Variants in NAV2 observed in about 807,000 individuals in gnomAD.
The protein encoded by NAV2 is neuron navigator 2, also known as helicase, APC down-regulated 1.
In NAV2, 54 loss-of-function variants were observed where a neutral mutation model predicts 223.2. The observed-to-expected ratio is 0.24, with a 90% CI of 0.19 to 0.30. NAV2 has a LOEUF of 0.30. NAV2 is among the 10% of genes least tolerant of loss of function. The pLI, the probability that NAV2 is intolerant of heterozygous loss-of-function variation, is 1.00. For synonymous variants in NAV2, 1,279 were observed against 1,239.3 expected (o/e 1.03, Z -0.67); for missense variants, 2,806 against 3,147.5 (o/e 0.89, Z 2.60).
intron 10 of NAV2, among the ~76,000 whole-genome samples, chr11:19,969,303 CTT>C (rs1457152760): frequency 6.6e-6 from 1 of 152,302 alleles, no homozygotes; most frequent in African/African-American, 2.4e-5. Flanking sequence ...ACAGTGGACT[CTT>C]TGCTGGAGCC....
At chr11:19,665,073 G>T (rs943917105) in intron 1 of NAV2, among the ~76,000 whole-genome samples, 1 of 152,214 alleles carries the variant, frequency 6.6e-6, no homozygotes, top group South Asian at 2.1e-4. Flanking sequence ...TTCCTGTGGG[G>T]GTTGGAGAGG....
At chr11:19,819,487 C>A (rs2059267548) in intron 1 of NAV2, among the ~76,000 whole-genome samples, 1 of 152,088 alleles carries the variant, frequency 6.6e-6, no homozygotes, top group African/African-American at 2.4e-5. Context: ...GCCTGGCAGG[C>A]AGGGTTGGCT....
chr11:19,995,049 G>A (rs1720579630), intron 11 of NAV2, among the ~76,000 whole-genome samples: 1 of 152,196 alleles, frequency 6.6e-6, no homozygotes, highest in African/African-American at 2.4e-5. Flanking sequence ...TGCAATCCAG[G>A]CGATAAGGAA....
chr11:19,696,184 A>G (rs1355253675), intron 1 of NAV2, among the ~76,000 whole-genome samples: 5 of 152,254 alleles, frequency 3.3e-5, no homozygotes, highest in Non-Finnish European at 5.9e-5. Flanking sequence ...AATAAAAAAA[A>G]TAAACTGGCT....
At chr11:19,791,564 G>T (rs561462069) in intron 1 of NAV2, among the ~76,000 whole-genome samples, 1 of 152,312 alleles carries the variant, frequency 6.6e-6, no homozygotes, top group South Asian at 2.1e-4. Flanking sequence ...TGGTAGCAGA[G>T]TTGGGGTGCT....
chr11:19,367,565 G>A (rs931401812), intron 1 of NAV2, among the ~76,000 whole-genome samples: 5 of 152,118 alleles, frequency 3.3e-5, no homozygotes, highest in African/African-American at 1.2e-4. Context: ...GGGTTTTCAA[G>A]AGAGCTCCCA....
At chr11:19,858,465 G>A (rs1003977762) in intron 3 of NAV2, among the ~76,000 whole-genome samples, 2 of 152,182 alleles carry the variant, frequency 1.3e-5, no homozygotes, top group African/African-American at 4.8e-5. Context: ...ATCCTTTGAT[G>A]CGTTGCACAC....
intron 1 of NAV2, among the ~76,000 whole-genome samples, chr11:19,679,593 C>T (rs912171047): frequency 1.3e-5 from 2 of 152,170 alleles, no homozygotes; most frequent in African/African-American, 2.4e-5. Context: ...CTCTACCCCA[C>T]CATCTCTTGA....
intron 2 of NAV2, among the ~76,000 whole-genome samples, chr11:19,836,375 G>A (rs925222857): frequency 2.6e-5 from 4 of 151,730 alleles, no homozygotes; most frequent in Admixed American, 6.6e-5. Flanking sequence ...GGCTAACAAG[G>A]TGAAACCCCG....
intron 36 of NAV2, among the ~76,000 whole-genome samples, chr11:20,109,196 AAAAGG>A: frequency 6.6e-6 from 1 of 152,356 alleles, no homozygotes; most frequent in African/African-American, 2.4e-5. Context: ...AGGGAGCTTG[AAAAGG>A]AAAGTATTTT....
chr11:20,001,855 A>G (rs60152318), intron 11 of NAV2, among the ~76,000 whole-genome samples: 1 of 145,362 alleles, frequency 6.9e-6, no homozygotes, highest in Non-Finnish European at 1.5e-5. Flanking sequence ...AAAGTGTAAT[A>G]AAAAAAAAAA....
intron 1 of NAV2, among the ~76,000 whole-genome samples, chr11:19,651,273 C>A (rs1196334476): frequency 6.6e-6 from 1 of 152,208 alleles, no homozygotes; most frequent in African/African-American, 2.4e-5. Flanking sequence ...AACGTCTTTT[C>A]TCAAGGGTTC....
chr11:19,849,479 G>A (rs191096725), intron 3 of NAV2, among the ~76,000 whole-genome samples: 1 of 152,186 alleles, frequency 6.6e-6, no homozygotes, highest in South Asian at 2.1e-4. Flanking sequence ...CCTTGAATTG[G>A]CCTCGAAGAG....
At chr11:20,114,511 G>A in intron 36 of NAV2, 81 bp from the exon 37 acceptor site, 1 of 1,360,290 alleles carries the variant, frequency 7.4e-7, no homozygotes, top group Non-Finnish European at 1.0e-6. Flanking sequence ...GATTTGGGGA[G>A]TTTTTCAGAA....
intron 11 of NAV2, among the ~76,000 whole-genome samples, chr11:20,034,557 C>A (rs2056168318): frequency 6.6e-6 from 1 of 151,888 alleles, no homozygotes; most frequent in Non-Finnish European, 1.5e-5. Context: ...TTTTTGTGTA[C>A]TTTTAGTAGA....
chr11:19,920,395 C>A (rs2044179244), intron 6 of NAV2, among the ~76,000 whole-genome samples: 1 of 152,192 alleles, frequency 6.6e-6, no homozygotes, highest in Non-Finnish European at 1.5e-5. Flanking sequence ...TCAAGCGATT[C>A]CCCTGCCTCA....
chr11:19,490,189 A>G (rs11025155), intron 1 of NAV2, among the ~76,000 whole-genome samples: 45,271 of 152,088 alleles, frequency 0.3, 6,898 homozygotes, highest in South Asian at 0.34. Context: ...TCTTGCCTCA[A>G]TGTTGATGGC....
chr11:19,602,173 C>CTTT (rs1204696986), intron 1 of NAV2, among the ~76,000 whole-genome samples: 152 of 116,228 alleles, frequency 1.3e-3, no homozygotes, highest in Middle Eastern at 4.5e-3. Context: ...CTCTACAAGT[C>CTTT]TTTTTTTTTT....
At chr11:19,873,706 T>C (rs929956945) in intron 4 of NAV2, among the ~76,000 whole-genome samples, 4 of 152,286 alleles carry the variant, frequency 2.6e-5, no homozygotes, top group Admixed American at 2.6e-4. Context: ...CATTTCCTCC[T>C]ACCTATATTA....
Sources: allele counts gnomAD v4.1 joint callset (sites outside exome capture counted in the v4.1 genomes callset), GRCh38; gene constraint gnomAD v4.1.1; transcripts MANE v1.5; gene names NCBI Gene and HGNC (gene_info 2026-07-23, HGNC 2026-07-21).